IL5RA: variants seen among roughly 807,000 people sequenced by gnomAD.
IL5RA encodes the protein interleukin 5 receptor subunit alpha, also known as interleukin-5 receptor subunit alpha.
Under a neutral mutation model 50.0 loss-of-function variants are expected in IL5RA, and 49 were observed. The observed-to-expected ratio is 0.98, with a 90% CI of 0.78 to 1.24. The LOEUF is 1.24. IL5RA is among the 50% of genes most tolerant of loss of function. IL5RA has a pLI of 0.00. For synonymous variants in IL5RA, 202 were observed against 174.0 expected, an observed-to-expected ratio of 1.16 and a Z score of -1.26; for missense variants, 600 against 500.4, an observed-to-expected ratio of 1.20 and a Z score of -1.90.
At chr3:3,075,227 T>TTTG (rs1702436498) in intron 10 of IL5RA, among the ~76,000 whole-genome samples, 1 of 145,514 alleles carries the variant, frequency 6.9e-6, no homozygotes, top group Non-Finnish European at 1.5e-5. Context: ...TTTTTTTTTT[T>TTTG]GGTCTTGCTC....
At chr3:3,087,366 G>T (rs1413893212) in intron 9 of IL5RA, among the ~76,000 whole-genome samples, 1 of 152,136 alleles carries the variant, frequency 6.6e-6, no homozygotes, top group Non-Finnish European at 1.5e-5. Flanking sequence ...TGGCTGGCCA[G>T]GGACCTTACC....
chr3:3,098,389 A>T, intron 5 of IL5RA, 99 bp from the exon 6 acceptor site: 2 of 1,015,542 alleles, frequency 2.0e-6, no homozygotes, highest in Non-Finnish European at 3.0e-6. Flanking sequence ...CGTATTCATC[A>T]CCAAAAAATA....
intron 9 of IL5RA, among the ~76,000 whole-genome samples, chr3:3,087,928 A>T (rs1702936678): frequency 6.6e-6 from 1 of 152,194 alleles, no homozygotes; most frequent in African/African-American, 2.4e-5. Context: ...CATTGATTAA[A>T]TTCACTAATG....
intron 9 of IL5RA, among the ~76,000 whole-genome samples, chr3:3,080,516 C>T (rs1702627312): frequency 6.6e-6 from 1 of 152,172 alleles, no homozygotes; most frequent in African/African-American, 2.4e-5. Context: ...ATCCCTATAG[C>T]TCTCTGTGCT....
At chr3:3,102,581 T>C (rs1575008822) in intron 4 of IL5RA, 94 bp downstream of exon 4, 2 of 880,550 alleles carry the variant, frequency 2.3e-6, no homozygotes, top group Non-Finnish European at 3.4e-6. Context: ...TCAGTAATTT[T>C]ATTTTTTTAA....
At chr3:3,082,110 C>A (rs868660125) in intron 9 of IL5RA, among the ~76,000 whole-genome samples, 9 of 152,132 alleles carry the variant, frequency 5.9e-5, no homozygotes, top group South Asian at 2.1e-4. Flanking sequence ...TTAAAGTAAG[C>A]ACCTGCTCTG....
intron 11 of IL5RA, among the ~76,000 whole-genome samples, chr3:3,070,664 C>T (rs757365847): frequency 3.5e-4 from 50 of 144,482 alleles, no homozygotes; most frequent in Non-Finnish European, 6.9e-4. Flanking sequence ...CTCACTGCAA[C>T]CTCCACCTCC....
intron 9 of IL5RA, among the ~76,000 whole-genome samples, chr3:3,086,930 T>C (rs1702888154): frequency 6.6e-6 from 1 of 152,168 alleles, no homozygotes; most frequent in Non-Finnish European, 1.5e-5. Flanking sequence ...TGGATGGAAT[T>C]GGAGGCCATT....
chr3:3,070,479 A>G (rs944337994), intron 11 of IL5RA, among the ~76,000 whole-genome samples, 168 bp from the exon 12 acceptor site: 3 of 151,754 alleles, frequency 2.0e-5, no homozygotes, highest in African/African-American at 7.3e-5. Context: ...CTAGCCATAC[A>G]TCTATCTCCC....
At chr3:3,095,168 TG>T (rs1256894153) in intron 8 of IL5RA, 130 bp downstream of exon 8, 2 of 651,864 alleles carry the variant, frequency 3.1e-6, no homozygotes, top group Non-Finnish European at 5.3e-6. Context: ...CTATAATACC[TG>T]GGTAGATTAA....
At position 3,092,151 on chromosome 3, in the gene IL5RA, G is replaced by A. The variant is rs1033537439; in HGVS notation, c.994+73C>T. 1.5e-5 allele frequency: 23 copies of A among 1,569,800 alleles called. No individual in the cohort carries two copies. Among genetic ancestry groups the A allele is most frequent in the Middle Eastern group, 3.4e-4 (2 of 5,830 alleles). On this transcript the variant is annotated intron_variant, in intron 9 of 11. Coordinates refer to ENST00000446632, the MANE Select transcript of IL5RA (RefSeq NM_175726.4). The surrounding 1 kb of genome is among the most constrained non-coding windows in gnomAD (Gnocchi z 4.2). ...ACCATTTTAAGACCCACGAGTGAAC[G>A]GGTACGTTTCTGGGATTACCTTTTT...
intron 11 of IL5RA, among the ~76,000 whole-genome samples, chr3:3,070,931 TA>T (rs1702277472): frequency 6.6e-6 from 1 of 152,136 alleles, no homozygotes; most frequent in Non-Finnish European, 1.5e-5. Flanking sequence ...TCACTGATTG[TA>T]AATTACATTG....
intron 9 of IL5RA, among the ~76,000 whole-genome samples, chr3:3,084,706 T>G (rs1228441222): frequency 6.6e-6 from 1 of 152,260 alleles, no homozygotes; most frequent in African/African-American, 2.4e-5. Flanking sequence ...AACCCAGGTG[T>G]GGAGCCAATC....
intron 9 of IL5RA, among the ~76,000 whole-genome samples, chr3:3,085,671 G>A (rs965820563): frequency 6.6e-6 from 1 of 152,112 alleles, no homozygotes; most frequent in African/African-American, 2.4e-5. Flanking sequence ...TGAATATCAA[G>A]TCAAAAGAAA....
intron 4 of IL5RA, 135 bp from the exon 5 acceptor site, chr3:3,101,965 A>T: frequency 1.0e-5 from 8 of 790,660 alleles, no homozygotes; most frequent in Non-Finnish European, 1.6e-5. Context: ...CTAGAAAAAA[A>T]GTCAAAACAA....
rs562345228 is a variant in IL5RA at position 3,074,989 on chromosome 3, C to T, written c.1092-123G>A. On this transcript the variant is annotated intron_variant, in intron 10 of 11. Transcript: ENST00000446632. ...CTGTTTTGTAAATTCAAAATCTTTACGTACCAAGACTTCCAAAATTATAGG... is the reference window on the plus strand; with the variant it reads ...CTGTTTTGTAAATTCAAAATCTTTATGTACCAAGACTTCCAAAATTATAGG... 4.3e-4 allele frequency: 274 copies of T among 644,234 alleles called. 1 individual carries two copies. The highest frequency in any genetic ancestry group is 2.1e-3 in the Middle Eastern group (5 of 2,394). 39.9% of individuals were successfully genotyped at this position (644,234 alleles called of 1,614,324 possible).
chr3:3,069,677 A>AAT lies in IL5RA; in HGVS notation c.*546_*547dup, dbSNP rs1483773085. On this transcript the variant is annotated 3_prime_UTR_variant, in exon 12 of 12. Transcript: ENST00000446632. ...CTCTCTCTCATACACACACATACAC[A>AAT]ATCTACCTAGAAAAAGATCATTCTA... is the stretch of plus-strand genomic sequence containing the variant. The AAT allele has an allele frequency of 6.7e-6, 1 of 149,992 alleles. No individual in the cohort carries two copies. The highest frequency in any genetic ancestry group is 1.5e-5 in the Non-Finnish European group (1 of 68,334). 9.3% of individuals were successfully genotyped at this position (149,992 alleles called of 1,614,324 possible). A position where few individuals can be genotyped will look rare whatever the true frequency, so the allele number is the denominator to read the frequency against.
At chr3:3,087,789 A>G (rs1232065351) in intron 9 of IL5RA, among the ~76,000 whole-genome samples, 1 of 152,206 alleles carries the variant, frequency 6.6e-6, no homozygotes, top group Non-Finnish European at 1.5e-5. Context: ...AAATCGCCTG[A>G]TGGACTCCTA....
At chr3:3,076,438 A>G (rs1702485188) in intron 10 of IL5RA, 93 bp downstream of exon 10, 3 of 796,686 alleles carry the variant, frequency 3.8e-6, no homozygotes, top group Non-Finnish European at 6.3e-6. Context: ...TTACCTGATA[A>G]TAAGAACCCT....
Sources: gnomAD v4.1 joint callset for allele counts (sites outside exome capture counted in the v4.1 genomes callset) on GRCh38, gnomAD v4.1.1 for gene constraint, Gnocchi (gnomAD v3.1) non-coding constraint, MANE v1.5 for transcripts, NCBI Gene and HGNC (gene_info 2026-07-23, HGNC 2026-07-21) for gene names.